The following IGF2BP2 variants were observed in gnomAD, a reference collection of about 807,000 sequenced individuals.
IGF2BP2 encodes insulin-like growth factor 2 mRNA-binding protein 2.
Under a neutral mutation model 75.8 loss-of-function variants are expected in IGF2BP2, and 17 were observed. That is an observed-to-expected ratio of 0.22 (90% confidence interval 0.15 to 0.34). IGF2BP2 has a LOEUF of 0.34. IGF2BP2 is among the 10% of genes least tolerant of loss of function. IGF2BP2 has a pLI of 1.00. For synonymous variants in IGF2BP2, 288 were observed against 295.6 expected (o/e 0.97, Z 0.26); for missense variants, 516 against 772.4 (o/e 0.67, Z 3.93).
intron 7 of IGF2BP2, among the ~76,000 whole-genome samples, chr3:185,677,763 C>A (rs1009732588): frequency 6.6e-6 from 1 of 152,070 alleles, no homozygotes; most frequent in Non-Finnish European, 1.5e-5. Context: ...AACAAAGAGA[C>A]AGAAACTATA....
At chr3:185,809,814 C>T (rs1560506576) in intron 2 of IGF2BP2, among the ~76,000 whole-genome samples, 3 of 152,090 alleles carry the variant, frequency 2.0e-5, no homozygotes, top group African/African-American at 7.2e-5. Context: ...GATATTACAG[C>T]TTCAATCTTA....
At chr3:185,766,815 G>A (rs1227147903) in intron 2 of IGF2BP2, among the ~76,000 whole-genome samples, 2 of 152,118 alleles carry the variant, frequency 1.3e-5, no homozygotes, top group Non-Finnish European at 2.9e-5. Context: ...AGATGAGATC[G>A]CAAGTTTGAA....
At chr3:185,714,172 T>A (rs1377830498) in intron 2 of IGF2BP2, among the ~76,000 whole-genome samples, 1 of 152,108 alleles carries the variant, frequency 6.6e-6, no homozygotes, top group Non-Finnish European at 1.5e-5. Flanking sequence ...TTTTTTTTTT[T>A]ACCCAAACAC....
intron 2 of IGF2BP2, among the ~76,000 whole-genome samples, chr3:185,794,573 G>A (rs16860235): frequency 0.31 from 46,376 of 147,922 alleles, 7,736 homozygotes; most frequent in African/African-American, 0.43. Context: ...CACATCCAGA[G>A]TTCCCTTCCC....
rs977419718 is a variant in IGF2BP2 at position 185,716,296 on chromosome 3, T to C, written c.240-17949A>G. 4.5e-5 allele frequency: 17 copies of C among 380,952 alleles called. No individual in the cohort carries two copies. The Admixed American group carries it at 5.4e-4, about 12-fold the overall frequency. The allele number at this position is 380,952 out of a possible 1,614,324, so 23.6% of individuals were successfully genotyped here. On this transcript the variant is annotated intron_variant, in intron 2 of 15. Coordinates refer to ENST00000382199, the MANE Select transcript of IGF2BP2 (RefSeq NM_006548.6). Reference sequence around the variant, plus strand: ...TCTGCCCAGCATATTTTTGGAATTCTTTTAATGATATTTTCTGCAGCATTT... The same window carrying C: ...TCTGCCCAGCATATTTTTGGAATTCCTTTAATGATATTTTCTGCAGCATTT...
chr3:185,697,365 G>A (rs888611557), intron 3 of IGF2BP2, among the ~76,000 whole-genome samples: 2 of 151,234 alleles, frequency 1.3e-5, no homozygotes, highest in Admixed American at 6.6e-5. Flanking sequence ...CTTGGCCTCC[G>A]AAGTGCTGGG....
chr3:185,658,547 C>T (rs912415255), intron 10 of IGF2BP2, 138 bp from the exon 11 acceptor site: 6 of 644,472 alleles, frequency 9.3e-6, no homozygotes, highest in East Asian at 2.8e-5. Flanking sequence ...CACGCCTGTC[C>T]CTCTGTGTCT....
At chr3:185,664,701 C>A (rs1334561431) in intron 10 of IGF2BP2, among the ~76,000 whole-genome samples, 1 of 152,098 alleles carries the variant, frequency 6.6e-6, no homozygotes, top group African/African-American at 2.4e-5. Flanking sequence ...GAAGACACTG[C>A]TGAAAAGCCC....
At chr3:185,771,020 A>C (rs79927069) in intron 2 of IGF2BP2, among the ~76,000 whole-genome samples, 5,053 of 152,274 alleles carry the variant, frequency 0.033, 129 homozygotes, top group South Asian at 0.055. Flanking sequence ...CAAAATGCTG[A>C]AATTATAGGC....
intron 7 of IGF2BP2, among the ~76,000 whole-genome samples, chr3:185,680,812 A>G (rs1720269209): frequency 1.5e-5 from 1 of 65,404 alleles, no homozygotes; most frequent in Non-Finnish European, 2.8e-5. Flanking sequence ...TCAATACAAT[A>G]AATCACATTA....
rs1395384739 is a variant in IGF2BP2 at position 185,645,232 on chromosome 3, C to T, written c.*299G>A. ...TTAGTTCAACTAAAAGGGATAGCGT[C>T]GTGGGAGTTCAGGAGAGATCCGAGT... On this transcript the variant is annotated 3_prime_UTR_variant, in exon 16 of 16. Transcript: ENST00000382199. This position sits in a 1 kb window ranked among gnomAD's most constrained non-coding sequence, Gnocchi z 4.9. The T allele has an allele frequency of 3.4e-5, 15 of 443,360 alleles. No homozygotes were observed. Among genetic ancestry groups the T allele is most frequent in the African/African-American group, 1.2e-4 (6 of 51,310 alleles). The allele number at this position is 443,360 out of a possible 1,614,324, so 27.5% of individuals were successfully genotyped here.
At chr3:185,700,453 G>T (rs1266826161) in intron 2 of IGF2BP2, among the ~76,000 whole-genome samples, 1 of 152,024 alleles carries the variant, frequency 6.6e-6, no homozygotes, top group Non-Finnish European at 1.5e-5. Flanking sequence ...AAAGAATCAA[G>T]AACTAATTTC....
rs75951565 is a variant in IGF2BP2, at chr3:185,723,486, T to A, written c.240-25139A>T. On this transcript the variant is annotated intron_variant, in intron 2 of 15. Transcript: ENST00000382199. ...AGTATTTAGGATGAGAAGCCACATCTTCTGAGTCTCCAGATCCCTGAACCT... is the reference window on the plus strand; with the variant it reads ...AGTATTTAGGATGAGAAGCCACATCATCTGAGTCTCCAGATCCCTGAACCT... Among the ~76,000 whole-genome samples, 268 of 152,322 alleles carry A rather than the reference T, an allele frequency of 1.8e-3. No homozygotes were observed. In the East Asian group the frequency reaches 0.042, roughly 24 times the overall value.
chr3:185,649,654 G>A (rs576968169), intron 13 of IGF2BP2, 120 bp from the exon 14 acceptor site: 7 of 1,359,392 alleles, frequency 5.1e-6, no homozygotes, highest in South Asian at 2.8e-5. Context: ...ACACTCCCTG[G>A]GACACACAGG....
At chr3:185,791,578 A>G (rs1309836487) in intron 2 of IGF2BP2, among the ~76,000 whole-genome samples, 3 of 152,342 alleles carry the variant, frequency 2.0e-5, no homozygotes, top group South Asian at 4.1e-4. Flanking sequence ...CCAGATAAAG[A>G]TAAGAGAGCC....
intron 2 of IGF2BP2, among the ~76,000 whole-genome samples, chr3:185,779,699 C>T (rs1231176092): frequency 1.3e-5 from 2 of 152,072 alleles, no homozygotes; most frequent in African/African-American, 2.4e-5. Context: ...TGAGTCTGCA[C>T]GCTAAGGTTT....
chr3:185,679,725 T>G (rs1031787812), intron 7 of IGF2BP2, among the ~76,000 whole-genome samples: 2 of 152,192 alleles, frequency 1.3e-5, no homozygotes, highest in Non-Finnish European at 2.9e-5. Flanking sequence ...AAAGTGATTC[T>G]CCTGCCTCAG....
intron 15 of IGF2BP2, among the ~76,000 whole-genome samples, chr3:185,646,401 A>G (rs891388122): frequency 6.6e-6 from 1 of 152,156 alleles, no homozygotes; most frequent in African/African-American, 2.4e-5. Flanking sequence ...GTCTGCTTAC[A>G]CCAAGTACAC....
In IGF2BP2 at chr3:185,645,046, A is replaced by G. The variant is rs1440835736; in HGVS notation, c.*485T>C. The G allele has an allele frequency of 2.0e-5, 3 of 152,818 alleles. No individual in the cohort carries two copies. Among genetic ancestry groups the G allele is most frequent in the Non-Finnish European group, 4.4e-5 (3 of 68,506 alleles). The allele number at this position is 152,818 out of a possible 1,614,324, so 9.5% of individuals were successfully genotyped here. ...ATTGGAGTTAGTTGAGTTATTTGAT[A>G]TATTATTTCTAAAATATATTACCGC... On this transcript the variant is annotated 3_prime_UTR_variant, in exon 16 of 16. Coordinates refer to ENST00000382199, the MANE Select transcript of IGF2BP2 (RefSeq NM_006548.6). This position sits in a 1 kb window ranked among gnomAD's most constrained non-coding sequence, Gnocchi z 4.9.
Sources: gnomAD v4.1 joint callset for allele counts (sites outside exome capture counted in the v4.1 genomes callset) on GRCh38, gnomAD v4.1.1 for gene constraint, Gnocchi (gnomAD v3.1) non-coding constraint, MANE v1.5 for transcripts, NCBI Gene and HGNC (gene_info 2026-07-23, HGNC 2026-07-21) for gene names.